ARHGEF3: variants seen among roughly 807,000 people sequenced by gnomAD.
ARHGEF3 encodes Rho guanine nucleotide exchange factor 3.
ARHGEF3 carries 28 observed loss-of-function variants against 63.2 expected under a neutral mutation model. That is an observed-to-expected ratio of 0.44 (90% CI 0.33 to 0.61). The LOEUF (loss-of-function observed/expected upper bound fraction) is 0.61. Among genes scored for constraint, ARHGEF3 ranks in the 20% least tolerant of loss-of-function variants. ARHGEF3 has a pLI of 0.03. For missense variants in ARHGEF3, 533 were observed against 659.3 expected (o/e 0.81, Z 2.10); for synonymous variants, 266 against 254.2 (o/e 1.05, Z -0.44).
chr3:57,067,997 A>AC (rs1705658601), intron 1 of ARHGEF3, among the ~76,000 whole-genome samples: 1 of 152,004 alleles, frequency 6.6e-6, no homozygotes, highest in African/African-American at 2.4e-5. Context: ...CTCAAAAAAA[A>AC]CAAAAACAAA....
intron 3 of ARHGEF3, among the ~76,000 whole-genome samples, chr3:56,944,524 C>T (rs1464286830): frequency 2.1e-5 from 3 of 144,772 alleles, no homozygotes; most frequent in Admixed American, 7.0e-5. Flanking sequence ...AAAGCTTGAA[C>T]GGATGGGGAG....
intron 2 of ARHGEF3, among the ~76,000 whole-genome samples, chr3:56,988,347 C>G (rs943899835): frequency 1.3e-5 from 2 of 152,012 alleles, no homozygotes; most frequent in Non-Finnish European, 2.9e-5. Flanking sequence ...CGGGGTTTCA[C>G]CATGTTGGTC....
At chr3:56,834,458 T>A (rs542205481) in intron 4 of ARHGEF3, among the ~76,000 whole-genome samples, 1 of 152,280 alleles carries the variant, frequency 6.6e-6, no homozygotes, top group East Asian at 1.9e-4. Context: ...TGATACTATG[T>A]ATGTATTCAG....
chr3:56,905,558 A>G (rs909777496), intron 3 of ARHGEF3, among the ~76,000 whole-genome samples: 2 of 152,238 alleles, frequency 1.3e-5, no homozygotes, highest in East Asian at 3.8e-4. Flanking sequence ...GCCTACACGC[A>G]TAAGAGACTC....
chr3:56,875,136 C>T (rs1204065137), intron 4 of ARHGEF3, among the ~76,000 whole-genome samples: 1 of 152,172 alleles, frequency 6.6e-6, no homozygotes, highest in African/African-American at 2.4e-5. Context: ...CCGTTTGCCT[C>T]ATCTCTAAAG....
At chr3:57,027,954 C>G (rs765274460) in intron 2 of ARHGEF3, among the ~76,000 whole-genome samples, 3 of 152,194 alleles carry the variant, frequency 2.0e-5, no homozygotes, top group Non-Finnish European at 4.4e-5. Context: ...CTCATCATCA[C>G]TGGCCATCAG....
At chr3:57,042,900 T>C (rs766781170) in intron 1 of ARHGEF3, among the ~76,000 whole-genome samples, 20 of 151,098 alleles carry the variant, frequency 1.3e-4, no homozygotes, top group Non-Finnish European at 2.2e-4. Context: ...GGTTTCACCA[T>C]GTTAGCCAGG....
At chr3:56,813,549 T>C (rs533040250) in intron 4 of ARHGEF3, among the ~76,000 whole-genome samples, 77 of 152,282 alleles carry the variant, frequency 5.1e-4, no homozygotes, top group African/African-American at 1.8e-3. Flanking sequence ...TGTTATGAAA[T>C]GCAGTTTGGG....
intron 7 of ARHGEF3, among the ~76,000 whole-genome samples, chr3:56,738,454 G>T (rs2033793808): frequency 6.6e-6 from 1 of 152,146 alleles, no homozygotes; most frequent in African/African-American, 2.4e-5. Flanking sequence ...TTACAAGCGT[G>T]AGCCACCACG....
In ARHGEF3 at chr3:56,968,203, TAAA is replaced by T. The variant is rs1421529335; in HGVS notation, c.63-9317_63-9315del. Among the ~76,000 whole-genome samples, 24 of 19,328 alleles carry T rather than the reference TAAA, an allele frequency of 1.2e-3. No individual in the cohort carries two copies. The South Asian group carries it at 0.025, about 20-fold the overall frequency. The allele number at this position is 19,328 out of a possible 152,430, so 12.7% of individuals were successfully genotyped here. ...AAAAATATATATTATATATAATATA[TAAA>T]AATATATATTATATATAATATATAT... On this transcript the variant is annotated intron_variant, in intron 2 of 12. Transcript: ENST00000338458.
At chr3:56,927,763 T>C (rs1311809281) in intron 3 of ARHGEF3, among the ~76,000 whole-genome samples, 2 of 152,040 alleles carry the variant, frequency 1.3e-5, no homozygotes, top group African/African-American at 4.8e-5. Flanking sequence ...ATTTGACCCA[T>C]AAAAAACAAA....
intron 2 of ARHGEF3, among the ~76,000 whole-genome samples, chr3:57,034,780 C>G (rs1703882355): frequency 6.6e-6 from 1 of 151,646 alleles, no homozygotes; most frequent in African/African-American, 2.4e-5. Context: ...CCTCAGCCTC[C>G]CAAGTAGCTG....
chr3:56,828,988 G>A lies in ARHGEF3; in HGVS notation c.192+53304C>T, dbSNP rs139291264. Among the ~76,000 whole-genome samples, 659 of 152,206 alleles carry A rather than the reference G, an allele frequency of 4.3e-3. 7 individuals are homozygous for A. The highest frequency in any genetic ancestry group is 0.015 in the African/African-American group (622 of 41,530). On this transcript the variant is annotated intron_variant, in intron 4 of 12. Coordinates refer to the ARHGEF3 transcript ENST00000338458. ...GTTGCTTAGGCTGGAGGGCAGTGGC[G>A]CAATCTTGGCTCACTGCGATCTCTG...
At chr3:56,864,655 A>C (rs542931939) in intron 4 of ARHGEF3, among the ~76,000 whole-genome samples, 41 of 152,308 alleles carry the variant, frequency 2.7e-4, no homozygotes, top group African/African-American at 8.4e-4. Context: ...TGACTATAGG[A>C]GATGCTCAGT....
chr3:57,012,475 T>C (rs528657210), intron 2 of ARHGEF3, among the ~76,000 whole-genome samples: 1 of 152,302 alleles, frequency 6.6e-6, no homozygotes, highest in South Asian at 2.1e-4. Flanking sequence ...GTCAAGTTGG[T>C]CTCGAACTGC....
At chr3:57,023,423 A>G (rs1325194093) in intron 2 of ARHGEF3, among the ~76,000 whole-genome samples, 1 of 152,228 alleles carries the variant, frequency 6.6e-6, no homozygotes, top group African/African-American at 2.4e-5. Context: ...CTGGTTACTT[A>G]GCCCTGAGTT....
At chr3:56,833,918 T>TCCCC (rs10632077) in intron 4 of ARHGEF3, among the ~76,000 whole-genome samples, 3 of 148,444 alleles carry the variant, frequency 2.0e-5, no homozygotes, top group African/African-American at 7.6e-5. Context: ...TTCTTTGTTT[T>TCCCC]CCCCCCCCAA....
intron 1 of ARHGEF3, among the ~76,000 whole-genome samples, chr3:57,044,316 C>T (rs1022646456): frequency 5.3e-5 from 8 of 152,178 alleles, no homozygotes; most frequent in African/African-American, 1.7e-4. Context: ...TAAAGTGGTC[C>T]ACTTGGGGGG....
At chr3:57,074,115 A>C (rs762345048) in intron 1 of ARHGEF3, 1 of 1,614,034 alleles carries the variant, frequency 6.2e-7, no homozygotes, top group Non-Finnish European at 8.5e-7. Flanking sequence ...TGAGAGGACC[A>C]CAGGATGGTT....
Sources: gnomAD v4.1 joint callset for allele counts (sites outside exome capture counted in the v4.1 genomes callset) on GRCh38, gnomAD v4.1.1 for gene constraint, MANE v1.5 for transcripts, NCBI Gene and HGNC (gene_info 2026-07-23, HGNC 2026-07-21) for gene names.